Variants in LRP2 observed in about 807,000 individuals in gnomAD.
LRP2 encodes the protein low-density lipoprotein receptor-related protein 2.
In LRP2, 172 loss-of-function variants were observed where a neutral mutation model predicts 531.0. The ratio of observed to expected loss-of-function variants is 0.32; its 90% CI spans 0.29 to 0.37. The LOEUF (loss-of-function observed/expected upper bound fraction) is 0.37. LRP2 is among the 10% of genes least tolerant of loss of function. The pLI is 1.00. For missense variants in LRP2, 5,167 were observed against 5,868.3 expected (o/e 0.88, Z 3.90); for synonymous variants, 1,992 against 2,027.6 (o/e 0.98, Z 0.47).
intron 15 of LRP2, among the ~76,000 whole-genome samples, chr2:169,272,220 T>G (rs1230074568): frequency 6.6e-6 from 1 of 152,006 alleles, no homozygotes; most frequent in Non-Finnish European, 1.5e-5. Flanking sequence ...AAACAAATAT[T>G]GTAGGAGTGC....
chr2:169,308,469 G>A (rs923732012), intron 3 of LRP2, among the ~76,000 whole-genome samples: 12 of 152,212 alleles, frequency 7.9e-5, no homozygotes, highest in South Asian at 2.1e-4. Context: ...GAGAACATGC[G>A]GTGTTTGGTT....
At chr2:169,324,848 G>C (rs544505732) in intron 1 of LRP2, among the ~76,000 whole-genome samples, 21 of 152,190 alleles carry the variant, frequency 1.4e-4, no homozygotes, top group African/African-American at 4.8e-4. Context: ...ACAGCACCGG[G>C]TGCTTATGGA....
At chr2:169,140,693 G>T in intron 71 of LRP2, 148 bp from the exon 72 acceptor site, 1 of 635,354 alleles carries the variant, frequency 1.6e-6, no homozygotes, top group Non-Finnish European at 2.8e-6. Context: ...CCTAAGTCCA[G>T]TGAGTTTCCT....
intron 75 of LRP2, among the ~76,000 whole-genome samples, chr2:169,138,256 A>C (rs990706017): frequency 2.0e-5 from 3 of 152,194 alleles, no homozygotes; most frequent in Non-Finnish European, 2.9e-5. Flanking sequence ...TCATCAAATA[A>C]AAACAAAATA....
chr2:169,220,437 C>T lies in LRP2; in HGVS notation c.5648+17G>A, dbSNP rs1423126613. 2 of 1,572,422 alleles carry T rather than the reference C, an allele frequency of 1.3e-6. No homozygotes were observed. Among genetic ancestry groups the T allele is most frequent in the Non-Finnish European group, 1.8e-6 (2 of 1,142,204 alleles). On this transcript the variant is annotated intron_variant, in intron 34 of 78. Transcript: ENST00000649046. ...ACAATGCTGCATGGAAGACACGTGC[C>T]ATTTATGAATACTCACCCACGAGCA...
At position 169,128,827 on chromosome 2, in the gene LRP2, C is replaced by T; in HGVS notation, c.13804G>A (p.Glu4602Lys). The T allele has an allele frequency of 6.2e-7, 1 of 1,614,052 alleles. No homozygotes were observed. The highest frequency in any genetic ancestry group is 8.5e-7 in the Non-Finnish European group (1 of 1,179,964). The change falls in exon 79 of 79, where the codon GAG (glutamate) becomes AAG (lysine). Residue 4602 changes from glutamate (E) to lysine (K), a missense_variant. This residue lies in a region of LRP2 where 348 missense variants were observed against 369.3 expected (regional missense o/e 0.94). Coordinates refer to ENST00000649046, the MANE Select transcript of LRP2 (RefSeq NM_004525.3). ...NFENPIYAQM[E>K]NEQKESVAAT... ...GCAACACTTTCCTTTTGCTCGTTCT[C>T]CATCTAAGAATACAATGTAACAGGA... is the stretch of plus-strand genomic sequence containing the variant.
At chr2:169,305,755 C>T (rs1028640256) in intron 4 of LRP2, among the ~76,000 whole-genome samples, 99 of 152,318 alleles carry the variant, frequency 6.5e-4, no homozygotes, top group African/African-American at 2.3e-3. Context: ...CGACAGACCG[C>T]ATGGACTACA....
At chr2:169,128,990 T>C in intron 78 of LRP2, 23 bp downstream of exon 78, 1 of 1,583,724 alleles carries the variant, frequency 6.3e-7, no homozygotes, top group African/African-American at 1.3e-5. Flanking sequence ...ATGTCTGTGC[T>C]AAGAAAAATT....
At chr2:169,183,580 C>T (rs1687518331) in intron 50 of LRP2, among the ~76,000 whole-genome samples, 1 of 152,204 alleles carries the variant, frequency 6.6e-6, no homozygotes, top group African/African-American at 2.4e-5. Flanking sequence ...GGCAGACTGG[C>T]TACCCCATAG....
chr2:169,178,019 C>T lies in LRP2; in HGVS notation c.10177G>A (p.Asp3393Asn). Residue 3393 changes from aspartate to asparagine, a missense_variant, in exon 53 of 79, where the codon GAT becomes AAT. Transcript: ENST00000649046. ...GTGTGTCGATGGTGGCCCTCCAAAT[C>T]AGAGTACCTGCAGCAGTAAGCAGAA... Reference protein sequence around the residue: ...DAHLGYIEYSDLEGHHRHTVY... With the variant: ...DAHLGYIEYSNLEGHHRHTVY... 6.2e-7 allele frequency: 1 copy of T among 1,612,444 alleles called. No homozygotes were observed. Among genetic ancestry groups the T allele is most frequent in the Non-Finnish European group, 8.5e-7 (1 of 1,179,070 alleles).
At chr2:169,242,161 C>A (rs1420726613) in intron 24 of LRP2, among the ~76,000 whole-genome samples, 2 of 149,882 alleles carry the variant, frequency 1.3e-5, no homozygotes, top group Non-Finnish European at 3.0e-5. Context: ...ACCTTTCTGA[C>A]GCAGGAGGAG....
chr2:169,325,635 A>C (rs1436649422), intron 1 of LRP2, among the ~76,000 whole-genome samples: 2 of 152,136 alleles, frequency 1.3e-5, no homozygotes, highest in East Asian at 1.9e-4. Flanking sequence ...TGTATGGAGC[A>C]CTCTACCCTG....
chr2:169,350,482 G>C (rs1685817011), intron 1 of LRP2, among the ~76,000 whole-genome samples: 2 of 152,104 alleles, frequency 1.3e-5, no homozygotes, highest in African/African-American at 4.8e-5. Context: ...CCTGTAATTT[G>C]AGAGGCCGAG....
chr2:169,336,156 A>G (rs1302253004), intron 1 of LRP2, among the ~76,000 whole-genome samples: 2 of 152,234 alleles, frequency 1.3e-5, no homozygotes, highest in African/African-American at 2.4e-5. Context: ...AATTCATTCA[A>G]AGAAAAACTT....
intron 4 of LRP2, among the ~76,000 whole-genome samples, chr2:169,303,950 A>G (rs574008609): frequency 2.4e-4 from 37 of 152,270 alleles, no homozygotes; most frequent in South Asian, 6.2e-4. Flanking sequence ...ATTCCTGCCC[A>G]GATATAATAA....
chr2:169,212,043 T>C lies in LRP2; in HGVS notation c.6205A>G (p.Met2069Val), dbSNP rs1015655529. ...CTAAAGCCTCTGATTGCAGACAGCATTGAAACAACAATGAAAGAGTTATAT... is the reference window on the plus strand; with the variant it reads ...CTAAAGCCTCTGATTGCAGACAGCACTGAAACAACAATGAAAGAGTTATAT... ...SPYNSFIVVSMLSAIRGFSLE... is the reference protein window; with the variant it reads ...SPYNSFIVVSVLSAIRGFSLE... Residue 2069 changes from methionine to valine, a missense_variant, in exon 37 of 79, where the codon ATG becomes GTG. Around this residue, in one of 6 missense-constraint regions of LRP2, gnomAD observed 2,811 missense variants for 3,058.0 expected, o/e 0.92. Coordinates refer to ENST00000649046, the MANE Select transcript of LRP2 (RefSeq NM_004525.3). The C allele has an allele frequency of 5.6e-6, 9 of 1,613,850 alleles. No individual in the cohort carries two copies. The highest frequency in any genetic ancestry group is 2.7e-5 in the African/African-American group (2 of 74,882).
At chr2:169,295,123 C>T (rs1318099193) in intron 4 of LRP2, among the ~76,000 whole-genome samples, 3 of 152,136 alleles carry the variant, frequency 2.0e-5, no homozygotes, top group African/African-American at 7.2e-5. Flanking sequence ...ACTAAAGTAC[C>T]ACTGCACAAG....
intron 62 of LRP2, among the ~76,000 whole-genome samples, chr2:169,163,958 A>G (rs550184516): frequency 6.6e-6 from 1 of 152,214 alleles, no homozygotes; most frequent in Non-Finnish European, 1.5e-5. Context: ...CACTCCCCAA[A>G]GAAGGGACCT....
chr2:169,226,436 A>G lies in LRP2; in HGVS notation c.5380T>C (p.Trp1794Arg). ...EFDDAEQYIY[W>R]VENPGEIHRV... is the part of the protein sequence containing the mutation. ...TCAAAACTTACTGGATTTTCAACCC[A>G]ATAGATGTATTGCTCAGCATCATCA... The change falls in exon 32 of 79, where the codon TGG becomes CGG. Residue 1794 changes from tryptophan (W) to arginine (R), a missense_variant. Transcript: ENST00000649046. 1.9e-6 allele frequency: 3 copies of G among 1,613,390 alleles called. No individual in the cohort carries two copies. Among genetic ancestry groups the G allele is most frequent in the Non-Finnish European group, 2.5e-6 (3 of 1,179,446 alleles).
Sources: gnomAD v4.1 joint callset for allele counts (sites outside exome capture counted in the v4.1 genomes callset) on GRCh38, gnomAD v4.1.1 for gene constraint, gnomAD v4.1.1 regional missense constraint, MANE v1.5 for transcripts, NCBI Gene and HGNC (gene_info 2026-07-23, HGNC 2026-07-21) for gene names.